Variants in IQCJ observed in about 807,000 individuals in gnomAD.
IQCJ encodes the protein IQ domain-containing protein J.
Under a neutral mutation model 11.0 loss-of-function variants are expected in IQCJ, and 9 were observed. The ratio of observed to expected loss-of-function variants is 0.82; its 90% confidence interval spans 0.49 to 1.43. The LOEUF (loss-of-function observed/expected upper bound fraction) is 1.43, where lower values mean the gene tolerates loss of function less well. Ranked by LOEUF, IQCJ falls within the 40% of genes most tolerant of loss-of-function variation. IQCJ has a pLI of 0.00. For missense variants in IQCJ, 146 were observed against 133.2 expected, an observed-to-expected ratio of 1.10 and a Z score of -0.47; for synonymous variants, 55 against 51.3, an observed-to-expected ratio of 1.07 and a Z score of -0.31.
At chr3:159,207,764 C>A (rs1342424965) in intron 1 of IQCJ, among the ~76,000 whole-genome samples, 1 of 152,144 alleles carries the variant, frequency 6.6e-6, no homozygotes, top group Admixed American at 6.5e-5. Flanking sequence ...TGTGGTAGTT[C>A]TTAGAAATCT....
chr3:159,124,434 C>T (rs554033556), intron 1 of IQCJ, among the ~76,000 whole-genome samples: 5 of 152,162 alleles, frequency 3.3e-5, no homozygotes, highest in African/African-American at 9.7e-5. Context: ...ACTCTCTGCA[C>T]CCTGTTGTAC....
chr3:159,075,113 A>T (rs1715825923), intron 1 of IQCJ, among the ~76,000 whole-genome samples: 1 of 152,200 alleles, frequency 6.6e-6, no homozygotes, highest in Non-Finnish European at 1.5e-5. Context: ...TAAAATGGAA[A>T]TAATGGCAAA....
chr3:159,070,321 G>T (rs1352709768), intron 1 of IQCJ, among the ~76,000 whole-genome samples: 1 of 152,042 alleles, frequency 6.6e-6, no homozygotes, highest in African/African-American at 2.4e-5. Flanking sequence ...AATATATTCA[G>T]CATCCCTTGT....
chr3:159,224,282 T>G (rs1725717424), intron 1 of IQCJ, among the ~76,000 whole-genome samples: 1 of 152,076 alleles, frequency 6.6e-6, no homozygotes. Flanking sequence ...ATAATAGTAA[T>G]TAGAAATACC....
At chr3:159,105,116 A>G (rs1461152534) in intron 1 of IQCJ, among the ~76,000 whole-genome samples, 2 of 152,266 alleles carry the variant, frequency 1.3e-5, no homozygotes, top group Admixed American at 6.5e-5. Context: ...TGACACAACC[A>G]GTAAGTAATA....
At chr3:159,106,573 A>G (rs960240386) in intron 1 of IQCJ, among the ~76,000 whole-genome samples, 2 of 152,068 alleles carry the variant, frequency 1.3e-5, no homozygotes, top group African/African-American at 2.4e-5. Context: ...TAGAATCTTT[A>G]TTTCACCCAC....
intron 1 of IQCJ, among the ~76,000 whole-genome samples, chr3:159,208,989 G>A (rs1253145944): frequency 6.6e-6 from 1 of 152,142 alleles, no homozygotes; most frequent in African/African-American, 2.4e-5. Context: ...GAAATACTGG[G>A]TAGAAGAGGG....
At chr3:159,249,636 T>C (rs1727476781) in intron 2 of IQCJ, among the ~76,000 whole-genome samples, 1 of 152,190 alleles carries the variant, frequency 6.6e-6, no homozygotes, top group African/African-American at 2.4e-5. Context: ...ATTGAAAAAT[T>C]GGTGTACTTT....
intron 1 of IQCJ, among the ~76,000 whole-genome samples, chr3:159,159,938 G>A (rs1157126207): frequency 3.9e-5 from 6 of 151,964 alleles, no homozygotes; most frequent in Non-Finnish European, 8.8e-5. Context: ...AGTAGATGCC[G>A]ACCCTATGCT....
chr3:159,141,429 G>C (rs1720597141), intron 1 of IQCJ, among the ~76,000 whole-genome samples: 1 of 152,152 alleles, frequency 6.6e-6, no homozygotes, highest in South Asian at 2.1e-4. Flanking sequence ...CCACTGGAGA[G>C]TTTTAAGCAG....
chr3:159,265,587 T>C, downstream of IQCJ: 1 of 487,266 alleles, frequency 2.1e-6, no homozygotes, highest in Non-Finnish European at 3.7e-6. Context: ...ATGCCCTGCC[T>C]CTTGCTTGAT....
intron 1 of IQCJ, among the ~76,000 whole-genome samples, chr3:159,241,273 G>A (rs1487539549): frequency 6.6e-6 from 1 of 151,980 alleles, no homozygotes; most frequent in African/African-American, 2.4e-5. Flanking sequence ...GCTGGGTATG[G>A]TGGTGGGTGC....
At chr3:159,082,300 A>G (rs1716368597) in intron 1 of IQCJ, among the ~76,000 whole-genome samples, 2 of 151,894 alleles carry the variant, frequency 1.3e-5, no homozygotes, top group Non-Finnish European at 2.9e-5. Context: ...TTGTGCTTCT[A>G]TTTGCTTTAC....
At chr3:159,214,065 T>G (rs1464604978) in intron 1 of IQCJ, among the ~76,000 whole-genome samples, 1 of 152,174 alleles carries the variant, frequency 6.6e-6, no homozygotes, top group African/African-American at 2.4e-5. Flanking sequence ...TTCCTGCTGA[T>G]TCCTAAATTT....
At chr3:159,133,634 G>A (rs1720120015) in intron 1 of IQCJ, among the ~76,000 whole-genome samples, 1 of 152,122 alleles carries the variant, frequency 6.6e-6, no homozygotes, top group African/African-American at 2.4e-5. Context: ...CGTGTGCAGA[G>A]GATGACAGGA....
At chr3:159,217,798 G>T (rs2108109430) in intron 1 of IQCJ, among the ~76,000 whole-genome samples, 1 of 152,058 alleles carries the variant, frequency 6.6e-6, no homozygotes, top group South Asian at 2.1e-4. Context: ...TCCTTAAGTA[G>T]CCTTACCTGA....
intron 1 of IQCJ, among the ~76,000 whole-genome samples, chr3:159,245,107 G>A (rs973917120): frequency 2.0e-5 from 3 of 152,128 alleles, no homozygotes; most frequent in Non-Finnish European, 4.4e-5. Flanking sequence ...GGAATTGAGG[G>A]ATCGTGTGTG....
At chr3:159,234,081 G>T (rs938424756) in intron 1 of IQCJ, among the ~76,000 whole-genome samples, 2 of 152,172 alleles carry the variant, frequency 1.3e-5, no homozygotes, top group Non-Finnish European at 2.9e-5. Flanking sequence ...GAGTGCAGAT[G>T]ATACAGTTTA....
At chr3:159,075,218 T>C (rs1289874453) in intron 1 of IQCJ, among the ~76,000 whole-genome samples, 1 of 152,136 alleles carries the variant, frequency 6.6e-6, no homozygotes, top group East Asian at 1.9e-4. Context: ...AAGTATTTAA[T>C]TGCCCTGAAA....
Sources: gnomAD v4.1 joint callset for allele counts (sites outside exome capture counted in the v4.1 genomes callset) on GRCh38, gnomAD v4.1.1 for gene constraint, MANE v1.5 for transcripts, NCBI Gene and HGNC (gene_info 2026-07-23, HGNC 2026-07-21) for gene names.